Variants in DMXL1 observed in about 807,000 individuals in gnomAD.
DMXL1 encodes dmX-like protein 1.
In DMXL1, 99 loss-of-function variants were observed where a neutral mutation model predicts 319.2. The ratio of observed to expected loss-of-function variants is 0.31; its 90% CI spans 0.26 to 0.37. DMXL1 has a LOEUF of 0.37. Among genes scored for constraint, DMXL1 ranks in the 10% least tolerant of loss-of-function variants. The pLI is 1.00. For missense variants in DMXL1, 3,745 were observed against 3,595.6 expected (o/e 1.04, Z -1.06); for synonymous variants, 1,385 against 1,235.2 (o/e 1.12, Z -2.54).
At chr5:119,234,787 A>G (rs565313461) in intron 39 of DMXL1, among the ~76,000 whole-genome samples, 1 of 152,278 alleles carries the variant, frequency 6.6e-6, no homozygotes, top group South Asian at 2.1e-4. Flanking sequence ...CAACAGTATT[A>G]TATAACAAAA....
At chr5:119,219,683 T>G (rs763738822) in intron 35 of DMXL1, among the ~76,000 whole-genome samples, 10 of 152,176 alleles carry the variant, frequency 6.6e-5, no homozygotes, top group Admixed American at 6.5e-5. Context: ...TCGTTTCACC[T>G]CATTCTCCCA....
intron 13 of DMXL1, among the ~76,000 whole-genome samples, chr5:119,137,725 C>T (rs1273797921): frequency 6.6e-6 from 1 of 152,190 alleles, no homozygotes; most frequent in African/African-American, 2.4e-5. Flanking sequence ...CTTGCTTCTC[C>T]TTCATCTTCC....
chr5:119,097,769 G>A (rs1310112695), intron 1 of DMXL1, among the ~76,000 whole-genome samples: 3 of 152,068 alleles, frequency 2.0e-5, no homozygotes, highest in African/African-American at 7.2e-5. Context: ...ATATTTTGCA[G>A]AAAGGACTGA....
chr5:119,073,948 C>T (rs561475952), intron 1 of DMXL1, among the ~76,000 whole-genome samples: 4 of 148,216 alleles, frequency 2.7e-5, no homozygotes, highest in Non-Finnish European at 3.0e-5. Context: ...GACGGAGTTT[C>T]GCTGTCGTTG....
At chr5:119,125,276 A>T (rs1341366663) in intron 9 of DMXL1, among the ~76,000 whole-genome samples, 1 of 152,276 alleles carries the variant, frequency 6.6e-6, no homozygotes, top group Non-Finnish European at 1.5e-5. Flanking sequence ...AGTGAATTAG[A>T]CTGCATAAAT....
At chr5:119,111,717 C>T (rs751759726) in intron 5 of DMXL1, among the ~76,000 whole-genome samples, 114 of 152,192 alleles carry the variant, frequency 7.5e-4, no homozygotes, top group Middle Eastern at 3.4e-3. Context: ...TGGGCAAATG[C>T]GTTTTTAAAA....
intron 37 of DMXL1, among the ~76,000 whole-genome samples, chr5:119,223,792 G>A (rs554843376): frequency 6.6e-6 from 1 of 151,914 alleles, no homozygotes; most frequent in African/African-American, 2.4e-5. Context: ...AAAAAAAGAA[G>A]ACAAAAGCAA....
intron 28 of DMXL1, among the ~76,000 whole-genome samples, chr5:119,183,005 G>T (rs1581196785): frequency 6.6e-6 from 1 of 152,084 alleles, no homozygotes; most frequent in East Asian, 1.9e-4. Flanking sequence ...TAAGAACTGT[G>T]AATTACCTCT....
intron 25 of DMXL1, among the ~76,000 whole-genome samples, chr5:119,174,757 G>A (rs1271908643): frequency 6.6e-6 from 1 of 152,096 alleles, no homozygotes; most frequent in Non-Finnish European, 1.5e-5. Context: ...CTGCCTTTCA[G>A]TTACTGCCTT....
At chr5:119,238,271 G>A (rs1450625332) in intron 40 of DMXL1, among the ~76,000 whole-genome samples, 1 of 151,956 alleles carries the variant, frequency 6.6e-6, no homozygotes, top group African/African-American at 2.4e-5. Context: ...GTGTTCCAGG[G>A]GAAATGGGGA....
chr5:119,223,326 G>A (rs916579578), intron 37 of DMXL1, among the ~76,000 whole-genome samples: 1 of 152,050 alleles, frequency 6.6e-6, no homozygotes, highest in Middle Eastern at 3.2e-3. Context: ...CAAAATGCTG[G>A]GATGACAGGC....
At chr5:119,223,715 G>A (rs1479430925) in intron 37 of DMXL1, among the ~76,000 whole-genome samples, 2 of 151,976 alleles carry the variant, frequency 1.3e-5, no homozygotes, top group African/African-American at 2.4e-5. Flanking sequence ...TTTTACATAT[G>A]CTTTCAGAAA....
rs372998467 is a variant in DMXL1, at chr5:119,118,908, C to T, written c.837C>T (p.Tyr279=). 117 of 1,613,502 alleles carry T rather than the reference C, an allele frequency of 7.3e-5. No individual in the cohort carries two copies. Among genetic ancestry groups the T allele is most frequent in the South Asian group, 3.1e-4 (28 of 91,032 alleles). ...ETFLPNDCLL[Y]GGDCSHWTES... ...TTTTACCAAATGATTGTTTGCTATA[C>T]GGAGGTGACTGCAGCCATTGGACTG... is the stretch of plus-strand genomic sequence containing the variant. Residue 279 remains tyrosine (Y), a synonymous_variant, in exon 8 of 44, where the codon TAC becomes TAT. Transcript: ENST00000539542.
intron 1 of DMXL1, among the ~76,000 whole-genome samples, chr5:119,092,103 G>A (rs1754928802): frequency 6.6e-6 from 1 of 152,100 alleles, no homozygotes; most frequent in African/African-American, 2.4e-5. Flanking sequence ...GGCAGAATTG[G>A]GGGAGGGGTG....
chr5:119,239,241 C>T (rs562213938), intron 41 of DMXL1, among the ~76,000 whole-genome samples, 161 bp downstream of exon 41: 2 of 152,220 alleles, frequency 1.3e-5, no homozygotes, highest in East Asian at 3.9e-4. Context: ...AGCCCCACCC[C>T]CAAAAGCTGT....
Position 119,149,292 on chromosome 5 carries a change from T to G in DMXL1, c.3465T>G (p.Thr1155=). The part of the protein sequence containing the change: ...MSREDGSHIL[T]VGIGSKLFMY... Reference sequence around the variant, plus strand: ...GAGAAGACGGTTCTCATATCCTGACTGTAGGAATTGGATCAAAACTTTTTA... The same window carrying G: ...GAGAAGACGGTTCTCATATCCTGACGGTAGGAATTGGATCAAAACTTTTTA... Residue 1155 remains threonine, a synonymous_variant, in exon 18 of 44, where the codon ACT becomes ACG. Coordinates refer to ENST00000539542, the MANE Select transcript of DMXL1 (RefSeq NM_001290321.3). 6.2e-7 allele frequency: 1 copy of G among 1,613,970 alleles called. No homozygotes were observed. The highest frequency in any genetic ancestry group is 8.5e-7 in the Non-Finnish European group (1 of 1,179,892).
At chr5:119,225,475 C>T (rs1260156005) in intron 38 of DMXL1, among the ~76,000 whole-genome samples, 1 of 151,598 alleles carries the variant, frequency 6.6e-6, no homozygotes, top group Non-Finnish European at 1.5e-5. Flanking sequence ...TTAAGTTATG[C>T]CCTTCGTCAA....
At position 119,110,200 on chromosome 5, in the gene DMXL1, T is replaced by A; in HGVS notation, c.414T>A (p.Thr138=). The change falls in exon 5 of 44, where the codon ACT becomes ACA. Residue 138 remains threonine, a synonymous_variant. Transcript: ENST00000539542. ...GCTATTTGCAACTCTGGTCCAATAC[T>A]AACTTGGAGAAGCCAACTGAAGATG... ...GSSYLQLWSN[T]NLEKPTEDEN... 6.3e-7 allele frequency: 1 copy of A among 1,590,088 alleles called. No individual in the cohort carries two copies. The highest frequency in any genetic ancestry group is 1.2e-5 in the South Asian group (1 of 85,806).
intron 10 of DMXL1, 72 bp from the exon 11 acceptor site, chr5:119,133,060 A>G (rs1351498260): frequency 1.9e-6 from 3 of 1,539,950 alleles, no homozygotes; most frequent in East Asian, 2.3e-5. Flanking sequence ...GCTATCCAGA[A>G]GCTCGGTAAT....
Sources: allele counts gnomAD v4.1 joint callset (sites outside exome capture counted in the v4.1 genomes callset), GRCh38; gene constraint gnomAD v4.1.1; transcripts MANE v1.5; gene names NCBI Gene and HGNC (gene_info 2026-07-23, HGNC 2026-07-21).